The following CSMD1 variants were observed in gnomAD, a reference collection of about 807,000 sequenced individuals.
CSMD1 encodes the protein CUB and Sushi multiple domains 1.
Under a neutral mutation model 417.5 loss-of-function variants are expected in CSMD1, and 213 were observed. The ratio of observed to expected loss-of-function variants is 0.51; its 90% CI spans 0.46 to 0.57. The LOEUF is 0.57. CSMD1 is among the 20% of genes least tolerant of loss of function. CSMD1 has a pLI of 0.00. For synonymous variants in CSMD1, 2,862 were observed against 1,736.8 expected (o/e 1.65, Z -16.11); for missense variants, 6,923 against 4,529.7 (o/e 1.53, Z -15.17).
chr8:3,538,816 G>A (rs9314496), intron 10 of CSMD1, among the ~76,000 whole-genome samples: 1 of 152,160 alleles, frequency 6.6e-6, no homozygotes, highest in African/African-American at 2.4e-5. Context: ...CCTGGTGGAA[G>A]GCAATGTCTC....
chr8:3,865,414 G>A (rs1805017783), intron 5 of CSMD1, among the ~76,000 whole-genome samples: 1 of 152,090 alleles, frequency 6.6e-6, no homozygotes, highest in East Asian at 1.9e-4. Flanking sequence ...GCACAGCTCT[G>A]CCTGCAAGCG....
chr8:2,985,897 T>TGATC (rs1334972644), intron 54 of CSMD1, among the ~76,000 whole-genome samples: 1 of 133,096 alleles, frequency 7.5e-6, no homozygotes, highest in African/African-American at 3.0e-5. Context: ...TTGCATATTG[T>TGATC]GATCGAAAAG....
At chr8:4,380,229 C>T (rs746974737) in intron 3 of CSMD1, among the ~76,000 whole-genome samples, 1 of 152,122 alleles carries the variant, frequency 6.6e-6, no homozygotes, top group Non-Finnish European at 1.5e-5. Context: ...AAAAGGACAC[C>T]AGAGTAACCT....
intron 32 of CSMD1, among the ~76,000 whole-genome samples, chr8:3,200,346 G>A (rs1304950229): frequency 1.3e-5 from 2 of 151,990 alleles, no homozygotes; most frequent in African/African-American, 2.4e-5. Flanking sequence ...CTTGAGGCCA[G>A]GAGTTTGAGA....
rs552687076 is a variant in CSMD1, at chr8:3,852,182, C to T, written c.819-98140G>A. 4.4e-4 allele frequency among the ~76,000 whole-genome samples: 67 copies of T among 152,172 alleles called. 1 individual carries two copies. The highest frequency in any genetic ancestry group is 1.4e-3 in the African/African-American group (59 of 41,516). ...ATTCTACAAGAATCTAGTGGAAGTA[C>T]GGAGAGTATGTCCCTAAATTCAAGG... On this transcript the variant is annotated intron_variant, in intron 5 of 69. Coordinates refer to ENST00000635120, the MANE Select transcript of CSMD1 (RefSeq NM_033225.6).
chr8:4,016,522 G>A (rs532605634), intron 4 of CSMD1, among the ~76,000 whole-genome samples: 2 of 152,256 alleles, frequency 1.3e-5, no homozygotes, highest in South Asian at 4.1e-4. Context: ...TTTAGTGAAG[G>A]ATCTGGGGCT....
intron 2 of CSMD1, among the ~76,000 whole-genome samples, chr8:4,586,042 G>T (rs1244848772): frequency 6.6e-6 from 1 of 152,174 alleles, no homozygotes; most frequent in East Asian, 1.9e-4. Context: ...GCATGTAATG[G>T]TTGTACGTAT....
chr8:3,185,530 C>G (rs1036382622), intron 36 of CSMD1, among the ~76,000 whole-genome samples: 4 of 152,082 alleles, frequency 2.6e-5, no homozygotes, highest in Non-Finnish European at 5.9e-5. Context: ...AAAAACAATT[C>G]AATATTTAAT....
At chr8:4,201,895 G>C (rs534719882) in intron 3 of CSMD1, among the ~76,000 whole-genome samples, 1 of 147,510 alleles carries the variant, frequency 6.8e-6, no homozygotes, top group Non-Finnish European at 1.5e-5. Context: ...TTTGGGGGGG[G>C]GGGGCGCTGC....
chr8:3,614,160 C>T (rs60381826), intron 8 of CSMD1, among the ~76,000 whole-genome samples: 3,745 of 152,134 alleles, frequency 0.025, 67 homozygotes, highest in Middle Eastern at 0.075. Flanking sequence ...AAATCATCTT[C>T]CCAGGTGTTA....
chr8:4,256,452 T>A (rs992788640), intron 3 of CSMD1, among the ~76,000 whole-genome samples: 3 of 152,166 alleles, frequency 2.0e-5, no homozygotes, highest in Admixed American at 6.5e-5. Context: ...AGAGGTGATA[T>A]AGAGACATGA....
chr8:4,672,551 C>T (rs903718492), intron 1 of CSMD1, among the ~76,000 whole-genome samples: 1 of 152,044 alleles, frequency 6.6e-6, no homozygotes, highest in Non-Finnish European at 1.5e-5. Flanking sequence ...TGTAAACAAC[C>T]AATCACAGAA....
intron 3 of CSMD1, among the ~76,000 whole-genome samples, chr8:4,077,303 A>ATATATATATGTG (rs1799878402): frequency 2.5e-5 from 2 of 81,542 alleles, no homozygotes; most frequent in African/African-American, 6.2e-5. Flanking sequence ...ATGTGTATAT[A>ATATATATATGTG]TATATATATA....
chr8:3,739,751 A>T (rs2129049937), intron 6 of CSMD1, among the ~76,000 whole-genome samples: 1 of 152,182 alleles, frequency 6.6e-6, no homozygotes, highest in East Asian at 1.9e-4. Flanking sequence ...TCACAAAAAT[A>T]GCAACAGATG....
chr8:3,340,532 G>GTA (rs1807579039), intron 23 of CSMD1, among the ~76,000 whole-genome samples: 1 of 152,148 alleles, frequency 6.6e-6, no homozygotes, highest in Admixed American at 6.5e-5. Context: ...AATTACAAAA[G>GTA]TCTTTTGAAA....
intron 22 of CSMD1, among the ~76,000 whole-genome samples, chr8:3,346,663 C>T (rs955843812): frequency 3.9e-5 from 6 of 152,190 alleles, no homozygotes; most frequent in African/African-American, 1.4e-4. Context: ...CACATAACTT[C>T]TAATGAGGTC....
chr8:4,309,207 C>G (rs60511122), intron 3 of CSMD1, among the ~76,000 whole-genome samples: 1 of 151,984 alleles, frequency 6.6e-6, no homozygotes, highest in Admixed American at 6.6e-5. Context: ...TTCCTAGGGT[C>G]AGTTTGATAT....
At chr8:4,248,317 C>G (rs1291479378) in intron 3 of CSMD1, among the ~76,000 whole-genome samples, 1 of 152,098 alleles carries the variant, frequency 6.6e-6, no homozygotes, top group African/African-American at 2.4e-5. Context: ...ACTAATCAAT[C>G]AATGCATGAA....
chr8:4,772,525 A>G (rs1319016425), intron 1 of CSMD1, among the ~76,000 whole-genome samples: 1 of 152,178 alleles, frequency 6.6e-6, no homozygotes, highest in Non-Finnish European at 1.5e-5. Flanking sequence ...TACAGCATGG[A>G]TATTTTGAGA....
Sources: gnomAD v4.1 joint callset for allele counts (sites outside exome capture counted in the v4.1 genomes callset) on GRCh38, gnomAD v4.1.1 for gene constraint, MANE v1.5 for transcripts, NCBI Gene and HGNC (gene_info 2026-07-23, HGNC 2026-07-21) for gene names.